The following TAFA2 variants were observed in gnomAD, a reference collection of about 807,000 sequenced individuals.
TAFA2 encodes the protein TAFA chemokine like family member 2.
In TAFA2, 7 loss-of-function variants were observed where a neutral mutation model predicts 18.8. The observed-to-expected ratio is 0.37, with a 90% CI of 0.21 to 0.70. TAFA2 has a LOEUF of 0.70. Among genes scored for constraint, TAFA2 ranks in the 30% least tolerant of loss-of-function variants. TAFA2 has a pLI of 0.53. For missense variants in TAFA2, 122 were observed against 158.1 expected, an observed-to-expected ratio of 0.77 and a Z score of 1.23; for synonymous variants, 60 against 54.2, an observed-to-expected ratio of 1.11 and a Z score of -0.47.
At chr12:61,944,383 C>T (rs1474649512) in intron 1 of TAFA2, among the ~76,000 whole-genome samples, 4 of 144,194 alleles carry the variant, frequency 2.8e-5, no homozygotes, top group Non-Finnish European at 6.1e-5. Flanking sequence ...CCTAACATCA[C>T]AATTAAAAGA....
At chr12:61,885,880 G>A (rs7311671) in intron 1 of TAFA2, among the ~76,000 whole-genome samples, 47,110 of 152,052 alleles carry the variant, frequency 0.31, 7,899 homozygotes, top group Middle Eastern at 0.43. Flanking sequence ...CTCCAAGAAA[G>A]ATGGAATAGG....
rs1230409553 is a variant in TAFA2 at position 61,943,729 on chromosome 12, G to A, written c.-1-76303C>T. Among the ~76,000 whole-genome samples, 13 of 150,796 alleles carry A rather than the reference G, an allele frequency of 8.6e-5. 1 individual carries two copies. Among genetic ancestry groups the A allele is most frequent in the Admixed American group, 7.3e-4 (11 of 15,106 alleles). ...AGAAGGCCATTACATAATGGTAAAGGGATCAATTCAACAAGAGGAGCTAAC... is the reference window on the plus strand; with the variant it reads ...AGAAGGCCATTACATAATGGTAAAGAGATCAATTCAACAAGAGGAGCTAAC... On this transcript the variant is annotated intron_variant, in intron 1 of 4. Coordinates refer to ENST00000416284, the MANE Select transcript of TAFA2 (RefSeq NM_178539.5).
chr12:62,156,505 T>C (rs182147665), intron 1 of TAFA2, among the ~76,000 whole-genome samples: 48 of 152,292 alleles, frequency 3.2e-4, no homozygotes, highest in Admixed American at 1.1e-3. Context: ...CACATGTTTA[T>C]AGCAGCACAA....
At chr12:62,147,153 T>C (rs895211251) in intron 1 of TAFA2, among the ~76,000 whole-genome samples, 22 of 150,452 alleles carry the variant, frequency 1.5e-4, no homozygotes, top group African/African-American at 3.7e-4. Context: ...TCTCACTATA[T>C]ACAAAAATTA....
intron 1 of TAFA2, among the ~76,000 whole-genome samples, chr12:62,251,148 T>C (rs953156303): frequency 6.6e-6 from 1 of 152,206 alleles, no homozygotes; most frequent in African/African-American, 2.4e-5. Flanking sequence ...GGGCAGCAGG[T>C]AGTCATGTAA....
intron 1 of TAFA2, among the ~76,000 whole-genome samples, chr12:62,207,727 C>T (rs1321167565): frequency 6.6e-6 from 1 of 152,082 alleles, no homozygotes; most frequent in African/African-American, 2.4e-5. Flanking sequence ...AATCAAAGAT[C>T]AAAGAAAAAT....
intron 1 of TAFA2, among the ~76,000 whole-genome samples, chr12:62,005,071 T>C (rs1326808961): frequency 2.0e-5 from 3 of 151,992 alleles, no homozygotes; most frequent in African/African-American, 7.2e-5. Context: ...GAGTTCAAAA[T>C]TGCAGTTATG....
intron 2 of TAFA2, among the ~76,000 whole-genome samples, chr12:61,860,587 A>G (rs1219945245): frequency 6.6e-6 from 1 of 151,582 alleles, no homozygotes; most frequent in African/African-American, 2.4e-5. Flanking sequence ...ACTGTGCATC[A>G]CCATCCTCTT....
chr12:61,984,786 A>G (rs1399985766), intron 1 of TAFA2, among the ~76,000 whole-genome samples: 1 of 152,220 alleles, frequency 6.6e-6, no homozygotes, highest in African/African-American at 2.4e-5. Flanking sequence ...CAGTGGTTAT[A>G]TAACTTGTCC....
intron 1 of TAFA2, among the ~76,000 whole-genome samples, chr12:62,101,775 C>T (rs1326366824): frequency 6.6e-6 from 1 of 152,086 alleles, no homozygotes; most frequent in Non-Finnish European, 1.5e-5. Context: ...AATGGTATAG[C>T]ACTAGCCAAT....
In TAFA2 at chr12:61,792,898, C is replaced by G. The variant is rs1335979328; in HGVS notation, c.107-37874G>C. On this transcript the variant is annotated intron_variant, in intron 2 of 4. Coordinates refer to ENST00000416284, the MANE Select transcript of TAFA2 (RefSeq NM_178539.5). Reference sequence around the variant, plus strand: ...ATAGTAAGAATATAGAAAATTTGCACAACATTATCAATAAGCTTGACCTAA... The same window carrying G: ...ATAGTAAGAATATAGAAAATTTGCAGAACATTATCAATAAGCTTGACCTAA... Among the ~76,000 whole-genome samples, 4 of 151,356 alleles carry G rather than the reference C, an allele frequency of 2.6e-5. No homozygotes were observed. The East Asian group carries it at 7.8e-4, about 29-fold the overall frequency.
chr12:62,082,983 A>C (rs1456448617), intron 1 of TAFA2, among the ~76,000 whole-genome samples: 1 of 152,104 alleles, frequency 6.6e-6, no homozygotes, highest in Non-Finnish European at 1.5e-5. Context: ...CTCCTTTTAC[A>C]GATGAGGAAA....
intron 1 of TAFA2, among the ~76,000 whole-genome samples, chr12:62,095,219 A>G (rs1021102900): frequency 6.6e-6 from 1 of 152,100 alleles, no homozygotes; most frequent in Non-Finnish European, 1.5e-5. Flanking sequence ...TAAGAAATGC[A>G]AGGTCTTTGA....
intron 1 of TAFA2, among the ~76,000 whole-genome samples, chr12:61,977,388 C>T (rs1377877053): frequency 2.0e-5 from 3 of 151,956 alleles, no homozygotes; most frequent in Non-Finnish European, 4.4e-5. Context: ...CACATCCATA[C>T]TAGAAATATT....
intron 1 of TAFA2, among the ~76,000 whole-genome samples, chr12:62,074,747 G>C (rs886238642): frequency 6.7e-6 from 1 of 149,378 alleles, no homozygotes; most frequent in Non-Finnish European, 1.5e-5. Context: ...TGTCACACAG[G>C]CTGGAGTGTA....
intron 1 of TAFA2, among the ~76,000 whole-genome samples, chr12:61,881,708 C>T (rs534180443): frequency 1.2e-4 from 18 of 152,010 alleles, no homozygotes; most frequent in Non-Finnish European, 2.5e-4. Flanking sequence ...ACCACCCCCA[C>T]CCTCCCTTTT....
chr12:61,833,089 T>A (rs1223118423), intron 2 of TAFA2, among the ~76,000 whole-genome samples: 1 of 147,328 alleles, frequency 6.8e-6, no homozygotes, highest in Non-Finnish European at 1.5e-5. Flanking sequence ...TATATATATA[T>A]TATATATATG....
At chr12:61,750,977 A>G (rs1868985906) in intron 4 of TAFA2, among the ~76,000 whole-genome samples, 1 of 152,076 alleles carries the variant, frequency 6.6e-6, no homozygotes, top group South Asian at 2.1e-4. Context: ...TGGTGATCAC[A>G]ACCACATTAT....
chr12:61,730,475 AC>A (rs1204541868), intron 4 of TAFA2, among the ~76,000 whole-genome samples: 1 of 152,112 alleles, frequency 6.6e-6, no homozygotes, highest in Admixed American at 6.6e-5. Flanking sequence ...TAGAGCTCCT[AC>A]AAGCTTACGT....
Sources: gnomAD v4.1 joint callset for allele counts (sites outside exome capture counted in the v4.1 genomes callset) on GRCh38, gnomAD v4.1.1 for gene constraint, MANE v1.5 for transcripts, NCBI Gene and HGNC (gene_info 2026-07-23, HGNC 2026-07-21) for gene names.